The following AMPD1 variants were observed in gnomAD, a reference collection of about 807,000 sequenced individuals.
AMPD1 encodes the protein AMP deaminase 1.
A neutral mutation model predicts 82.9 loss-of-function variants in AMPD1; 74 were observed. That is an observed-to-expected ratio of 0.89 (90% CI 0.74 to 1.08). The LOEUF is 1.08. Among genes scored for constraint, AMPD1 ranks in the 50% least tolerant of loss-of-function variants. The pLI is 0.00. For missense variants in AMPD1, 881 were observed against 924.5 expected (o/e 0.95, Z 0.61); for synonymous variants, 333 against 320.5 (o/e 1.04, Z -0.42).
At chr1:114,688,962 T>C (rs1409593907) in intron 2 of AMPD1, 3 of 741,660 alleles carry the variant, frequency 4.0e-6, no homozygotes, top group East Asian at 5.1e-5. Context: ...CAGATTCTCA[T>C]AGCACATTTC....
At position 114,677,389 on chromosome 1, in the gene AMPD1, G is replaced by A; in HGVS notation, c.1350C>T (p.Cys450=). ...CCTGGATCATCCATGTCATGTTGGG[G>A]CAGTGGATGCGATTGCAGACGAACC... is the stretch of plus-strand genomic sequence containing the variant. ...SSWFVCNRIH[C]PNMTWMIQVP... The change falls in exon 10 of 16, where the codon TGC becomes TGT. Residue 450 remains cysteine, a synonymous_variant. Transcript: ENST00000520113. 6.2e-7 allele frequency: 1 copy of A among 1,610,898 alleles called. No homozygotes were observed. The highest frequency in any genetic ancestry group is 8.5e-7 in the Non-Finnish European group (1 of 1,179,412).
chr1:114,695,150 G>GCAC (rs1368796777), intron 1 of AMPD1, among the ~76,000 whole-genome samples: 27 of 152,168 alleles, frequency 1.8e-4, no homozygotes, highest in Non-Finnish European at 7.4e-5. Flanking sequence ...CAGAGCTATG[G>GCAC]CAGCACAGGT....
At chr1:114,676,279 T>G (rs751227332) in intron 10 of AMPD1, 1 of 412,090 alleles carries the variant, frequency 2.4e-6, no homozygotes, top group African/African-American at 2.0e-5. Context: ...AGCTAAGTCC[T>G]CATAGAGGAA....
At position 114,673,941 on chromosome 1, in the gene AMPD1, T is replaced by C. The variant is rs371914821; in HGVS notation, c.1942A>G (p.Thr648Ala). Residue 648 changes from threonine to alanine, a missense_variant, in exon 14 of 16, where the codon ACA (threonine) becomes GCA (alanine). Around this residue, in one of 2 missense-constraint regions of AMPD1, gnomAD observed 98 missense variants for 138.1 expected, o/e 0.71. Coordinates refer to ENST00000520113, the MANE Select transcript of AMPD1 (RefSeq NM_000036.3). Reference sequence around the variant, plus strand: ...AAGTGGAATTGCATTGGGTCATCTGTAGACAGTGAGATCATTAGCCCTTTC... The same window carrying C: ...AAGTGGAATTGCATTGGGTCATCTGCAGACAGTGAGATCATTAGCCCTTTC... ...LQKGLMISLS[T>A]DDPMQFHFTK... 2 of 1,613,988 alleles carry C rather than the reference T, an allele frequency of 1.2e-6. No homozygotes were observed. Among genetic ancestry groups the C allele is most frequent in the African/African-American group, 2.7e-5 (2 of 74,908 alleles).
At chr1:114,693,991 G>A (rs1348530534) in intron 1 of AMPD1, among the ~76,000 whole-genome samples, 1 of 152,142 alleles carries the variant, frequency 6.6e-6, no homozygotes, top group Non-Finnish European at 1.5e-5. Flanking sequence ...CATGAGGTCA[G>A]GAGATCGAGA....
chr1:114,694,485 AG>A (rs967966628), intron 1 of AMPD1, among the ~76,000 whole-genome samples: 1 of 152,160 alleles, frequency 6.6e-6, no homozygotes, highest in Non-Finnish European at 1.5e-5. Flanking sequence ...TAGATTGAAA[AG>A]AAAAAAAAAC....
In AMPD1 at chr1:114,674,777, A is replaced by G. The variant is rs1469594951; in HGVS notation, c.1775T>C (p.Ile592Thr). The G allele has an allele frequency of 3.7e-6, 6 of 1,613,614 alleles. No individual in the cohort carries two copies. Among genetic ancestry groups the G allele is most frequent in the Non-Finnish European group, 4.2e-6 (5 of 1,179,632 alleles). Residue 592 changes from isoleucine to threonine, a missense_variant, in exon 13 of 16, where the codon ATC becomes ACC. Ile to Thr is a moderately conservative substitution (Grantham distance 89). Transcript: ENST00000520113. ...CTTTTTTAAATTTAGGCCATGAGAG[A>G]TATCATCTGCTATCATGAATGCTGT... ...LMTAFMIADD[I>T]SHGLNLKKSP...
In AMPD1 at chr1:114,686,764, G is replaced by A. The variant is rs1469510196; in HGVS notation, c.362C>T (p.Thr121Ile). The change falls in exon 4 of 16, where the codon ACT (threonine) becomes ATT (isoleucine). Residue 121 changes from threonine (T) to isoleucine (I), a missense_variant. Thr to Ile is a moderately conservative substitution (Grantham distance 89). Around this residue, in one of 2 missense-constraint regions of AMPD1, gnomAD observed 783 missense variants for 786.4 expected, o/e 1.00. Coordinates refer to ENST00000520113, the MANE Select transcript of AMPD1 (RefSeq NM_000036.3). ...TVPDFQRVQI[T>I]GDYASGVTVE... ...ACTCACCCCAGAGGCATAGTCACCAGTAATCTGCACTCTCTGAAAATCAGG... is the reference window on the plus strand; with the variant it reads ...ACTCACCCCAGAGGCATAGTCACCAATAATCTGCACTCTCTGAAAATCAGG... 2.5e-6 allele frequency: 4 copies of A among 1,614,028 alleles called. No homozygotes were observed. The highest frequency in any genetic ancestry group is 3.4e-6 in the Non-Finnish European group (4 of 1,179,984).
chr1:114,678,067 T>C (rs1341666978), intron 8 of AMPD1, 26 bp from the exon 9 acceptor site: 2 of 1,613,272 alleles, frequency 1.2e-6, no homozygotes, highest in South Asian at 1.1e-5. Flanking sequence ...AGAGCAGAGA[T>C]GTATTATTAC....
intron 5 of AMPD1, 69 bp from the exon 6 acceptor site, chr1:114,680,547 T>C: frequency 7.9e-7 from 1 of 1,273,608 alleles, no homozygotes; most frequent in Non-Finnish European, 1.1e-6. Context: ...ATAACCAAAA[T>C]GTGAAATACT....
chr1:114,674,753 T>G lies in AMPD1; in HGVS notation c.1799A>C (p.Lys600Thr), dbSNP rs1347275910. Residue 600 changes from lysine to threonine, a missense_variant and splice_region_variant, in exon 13 of 16, where the codon AAG becomes ACG. Lys to Thr is a moderately conservative substitution (Grantham distance 78). Transcript: ENST00000520113. The part of the protein sequence containing the change: ...DDISHGLNLK[K>T]SPVLQYLFFL... ...TTAAGAAGAGAGCTTCCAACTCACC[T>G]TTTTTAAATTTAGGCCATGAGAGAT... 6.2e-7 allele frequency: 1 copy of G among 1,613,572 alleles called. No individual in the cohort carries two copies. The highest frequency in any genetic ancestry group is 1.1e-5 in the South Asian group (1 of 91,086).
At chr1:114,683,171 G>A (rs1658213314) in intron 5 of AMPD1, 1 of 461,002 alleles carries the variant, frequency 2.2e-6, no homozygotes, top group Non-Finnish European at 4.3e-6. Context: ...AAGTGCTATG[G>A]AAAGTCAGAA....
At chr1:114,680,519 A>T (rs1208532046) in intron 5 of AMPD1, 41 bp from the exon 6 acceptor site, 1 of 1,559,100 alleles carries the variant, frequency 6.4e-7, no homozygotes, top group Admixed American at 1.7e-5. Flanking sequence ...AGCACATAGG[A>T]TGAACGACCA....
At chr1:114,688,880 G>T in intron 2 of AMPD1, 139 bp from the exon 3 acceptor site, 1 of 913,824 alleles carries the variant, frequency 1.1e-6, no homozygotes, top group Non-Finnish European at 1.8e-6. Flanking sequence ...CCAACACAGA[G>T]CTCAGTGCCT....
intron 2 of AMPD1, among the ~76,000 whole-genome samples, chr1:114,691,261 C>T (rs1013615345): frequency 1.3e-5 from 2 of 152,030 alleles, no homozygotes; most frequent in African/African-American, 4.8e-5. Context: ...TCAAAAATAC[C>T]TCGGGGAGTG....
intron 9 of AMPD1, 141 bp from the exon 10 acceptor site, chr1:114,677,655 T>C: frequency 1.7e-6 from 2 of 1,211,300 alleles, no homozygotes; most frequent in Non-Finnish European, 1.2e-6. Context: ...ACCACACCCT[T>C]AATTTCTCTA....
At chr1:114,688,231 G>A (rs552509273) in intron 3 of AMPD1, among the ~76,000 whole-genome samples, 6 of 152,132 alleles carry the variant, frequency 3.9e-5, no homozygotes, top group South Asian at 4.2e-4. Flanking sequence ...AGGTTCAAGC[G>A]ATTCTCCTGC....
intron 5 of AMPD1, among the ~76,000 whole-genome samples, chr1:114,680,802 A>G (rs1225894646): frequency 2.0e-4 from 30 of 152,140 alleles, no homozygotes; most frequent in Admixed American, 2.0e-3. Context: ...CCCCGTCTCT[A>G]CTACAAATAC....
chr1:114,680,115 A>G (rs756221913), intron 6 of AMPD1, 144 bp downstream of exon 6: 5 of 800,256 alleles, frequency 6.2e-6, no homozygotes, highest in African/African-American at 1.7e-5. Flanking sequence ...AAAAGGAACA[A>G]TGTGCATGAA....
Sources: gnomAD v4.1 joint callset for allele counts (sites outside exome capture counted in the v4.1 genomes callset) on GRCh38, gnomAD v4.1.1 for gene constraint, gnomAD v4.1.1 regional missense constraint, MANE v1.5 for transcripts, NCBI Gene and HGNC (gene_info 2026-07-23, HGNC 2026-07-21) for gene names.